Variants in TENM3 observed in about 807,000 individuals in gnomAD.
The protein encoded by TENM3 is teneurin-3.
A neutral mutation model predicts 255.1 loss-of-function variants in TENM3; 63 were observed. That is an observed-to-expected ratio of 0.25 (90% CI 0.20 to 0.30). The LOEUF (loss-of-function observed/expected upper bound fraction) is 0.30. Ranked by LOEUF, TENM3 falls within the 10% of genes least tolerant of loss-of-function variation. The probability of loss-of-function intolerance (pLI) is 1.00; values close to 1 mark genes in which losing one functional copy is unlikely to be tolerated. For missense variants in TENM3, 2,929 were observed against 3,461.1 expected, an observed-to-expected ratio of 0.85 and a Z score of 3.86; for synonymous variants, 1,306 against 1,322.3, an observed-to-expected ratio of 0.99 and a Z score of 0.27.
chr4:181,486,512 C>A, the TENM3 span, among the ~76,000 whole-genome samples: 1 of 152,172 alleles, frequency 6.6e-6, no homozygotes, highest in Non-Finnish European at 1.5e-5. Context: ...AAAAGGAGGT[C>A]ATTAGCTTGC....
chr4:181,908,392 C>T, the TENM3 span, among the ~76,000 whole-genome samples: 2 of 152,140 alleles, frequency 1.3e-5, no homozygotes, highest in African/African-American at 4.8e-5. Flanking sequence ...CAGAGCTGTC[C>T]ACCCACACAT....
intron 3 of TENM3, among the ~76,000 whole-genome samples, chr4:182,432,552 A>G (rs1771738423): frequency 6.6e-6 from 1 of 152,258 alleles, no homozygotes; most frequent in South Asian, 2.1e-4. Flanking sequence ...GTGAATATAT[A>G]CAAAAGCCAA....
At chr4:181,781,719 A>T in the TENM3 span, among the ~76,000 whole-genome samples, 23 of 152,266 alleles carry the variant, frequency 1.5e-4, no homozygotes, top group African/African-American at 5.1e-4. Context: ...GACTGCTTCC[A>T]GTTTTTGCCT....
Position 182,262,842 on chromosome 4 carries a change from C to T in TENM3, c.-76+19366C>T, listed in dbSNP as rs367708912. 1.8e-3 allele frequency among the ~76,000 whole-genome samples: 276 copies of T among 151,528 alleles called. 4 individuals are homozygous for T. In the East Asian group the frequency reaches 0.026, roughly 14 times the overall value. ...CATTCTCCTGCTTCAGCCTCCCGAGCAGCTGGGACTACAGGCACCCACCAC... is the reference window on the plus strand; with the variant it reads ...CATTCTCCTGCTTCAGCCTCCCGAGTAGCTGGGACTACAGGCACCCACCAC... On this transcript the variant is annotated intron_variant, in intron 1 of 27. Coordinates refer to ENST00000511685, the MANE Select transcript of TENM3 (RefSeq NM_001080477.4).
chr4:181,561,891 C>A, the TENM3 span, among the ~76,000 whole-genome samples: 3,552 of 152,260 alleles, frequency 0.023, 153 homozygotes, highest in African/African-American at 0.081. Flanking sequence ...GGGAAGATAA[C>A]AATTTAACCT....
chr4:181,539,157 A>C, the TENM3 span, among the ~76,000 whole-genome samples: 1 of 152,350 alleles, frequency 6.6e-6, no homozygotes, highest in Non-Finnish European at 1.5e-5. Flanking sequence ...ATTGTCAAAT[A>C]ATTTTTCTTC....
chr4:182,633,085 A>G (rs1489288506), intron 5 of TENM3, among the ~76,000 whole-genome samples: 1 of 151,980 alleles, frequency 6.6e-6, no homozygotes, highest in Non-Finnish European at 1.5e-5. Context: ...ACACACCACC[A>G]TGCCCAGCTA....
At chr4:181,504,650 A>G in the TENM3 span, among the ~76,000 whole-genome samples, 2 of 152,182 alleles carry the variant, frequency 1.3e-5, no homozygotes, top group Non-Finnish European at 2.9e-5. Flanking sequence ...AATAGGCTTC[A>G]GGGGCACAGG....
At position 182,753,792 on chromosome 4, in the gene TENM3, G is replaced by T. The variant is rs13131625; in HGVS notation, c.4017+188G>T. Among the ~76,000 whole-genome samples, 25,588 of 152,168 alleles carry T rather than the reference G, an allele frequency of 0.17. 2,665 individuals carry two copies. Among genetic ancestry groups the T allele is most frequent in the East Asian group, 0.46 (2,366 of 5,168 alleles). On this transcript the variant is annotated intron_variant, in intron 21 of 27. Transcript: ENST00000511685. ...TATTTTCTTCTATAATTCTACATTTGATGAATTCAGTGAGATACAGAACAA... is the reference window on the plus strand; with the variant it reads ...TATTTTCTTCTATAATTCTACATTTTATGAATTCAGTGAGATACAGAACAA...
At chr4:181,551,804 AATAATATATAT>A in the TENM3 span, among the ~76,000 whole-genome samples, 1 of 90,816 alleles carries the variant, frequency 1.1e-5, no homozygotes, top group African/African-American at 4.4e-5. Flanking sequence ...ATAGGCAGTT[AATAATATATAT>A]ATATATATAT....
the TENM3 span, among the ~76,000 whole-genome samples, chr4:182,123,109 G>A: frequency 2.6e-5 from 4 of 152,108 alleles, no homozygotes; most frequent in Admixed American, 6.5e-5. Flanking sequence ...GGCCTTGCTC[G>A]GGACTAGGCT....
intron 3 of TENM3, among the ~76,000 whole-genome samples, chr4:182,375,507 T>C (rs2309652): frequency 6.6e-6 from 1 of 152,160 alleles, no homozygotes; most frequent in Non-Finnish European, 1.5e-5. Flanking sequence ...GTAAAAATAT[T>C]TTTTAAGGAG....
intron 3 of TENM3, among the ~76,000 whole-genome samples, chr4:182,435,386 G>A (rs1183534446): frequency 1.3e-5 from 2 of 152,096 alleles, no homozygotes; most frequent in African/African-American, 4.8e-5. Flanking sequence ...GGTTGTTATT[G>A]TTTTCCTTTT....
At chr4:182,530,705 G>C (rs1739693512) in intron 3 of TENM3, among the ~76,000 whole-genome samples, 1 of 152,308 alleles carries the variant, frequency 6.6e-6, no homozygotes, top group South Asian at 2.1e-4. Context: ...AGAACTGCTA[G>C]CCTGGAGCAT....
the TENM3 span, among the ~76,000 whole-genome samples, chr4:182,038,748 T>G: frequency 2.8e-4 from 42 of 152,172 alleles, no homozygotes; most frequent in East Asian, 1.7e-3. Flanking sequence ...TGATTATTTT[T>G]TTGAGACAGA....
rs189953465 is a variant in TENM3, at chr4:182,592,446, G to A, written c.512-8478G>A. 6.0e-3 allele frequency among the ~76,000 whole-genome samples: 911 copies of A among 152,310 alleles called. 3 individuals are homozygous for A. Among genetic ancestry groups the A allele is most frequent in the African/African-American group, 0.021 (866 of 41,566 alleles). On this transcript the variant is annotated intron_variant, in intron 3 of 27. Transcript: ENST00000511685. Reference sequence around the variant, plus strand: ...TAGTTAAAATTCACATGATGGAGCCGGGCATGGTGGCCCACACCTGTAATC... The same window carrying A: ...TAGTTAAAATTCACATGATGGAGCCAGGCATGGTGGCCCACACCTGTAATC...
At chr4:182,443,004 T>C (rs1018400668) in intron 3 of TENM3, among the ~76,000 whole-genome samples, 5 of 152,022 alleles carry the variant, frequency 3.3e-5, no homozygotes, top group African/African-American at 7.2e-5. Context: ...ATTACAGGCA[T>C]GAGCCACCGT....
chr4:181,576,289 T>A, the TENM3 span, among the ~76,000 whole-genome samples: 1 of 152,228 alleles, frequency 6.6e-6, no homozygotes, highest in African/African-American at 2.4e-5. Context: ...CATTCTTTTT[T>A]ATAGCTGAAT....
At chr4:182,308,822 A>G (rs768831958) in intron 1 of TENM3, among the ~76,000 whole-genome samples, 34 of 152,232 alleles carry the variant, frequency 2.2e-4, no homozygotes, top group Admixed American at 3.9e-4. Context: ...TCCAAACAGT[A>G]TATTTCTGTG....
Sources: gnomAD v4.1 joint callset for allele counts (sites outside exome capture counted in the v4.1 genomes callset) on GRCh38, gnomAD v4.1.1 for gene constraint, MANE v1.5 for transcripts, NCBI Gene and HGNC (gene_info 2026-07-23, HGNC 2026-07-21) for gene names.